The following NRK variants were observed in gnomAD, a reference collection of about 807,000 sequenced individuals.
The protein encoded by NRK is Nik related kinase, also known as nik-related protein kinase.
NRK carries 67 observed loss-of-function variants against 125.2 expected under a neutral mutation model. The ratio of observed to expected loss-of-function variants is 0.54; its 90% CI spans 0.44 to 0.66. The LOEUF (loss-of-function observed/expected upper bound fraction) is 0.66. NRK is among the 30% of genes least tolerant of loss of function. The pLI is 0.00. For missense variants in NRK, 1,224 were observed against 1,192.9 expected (o/e 1.03, Z -0.38); for synonymous variants, 458 against 429.0 (o/e 1.07, Z -0.84).
intron 2 of NRK, among the ~76,000 whole-genome samples, chrX:105,868,967 A>T (rs959580389): frequency 5.4e-5 from 6 of 110,630 alleles, no homozygotes; most frequent in Non-Finnish European, 9.5e-5. Context: ...GTTCGTAATT[A>T]AAAAAAACAC....
chrX:105,946,219 G>A (rs747276563), intron 25 of NRK, 96 bp from the exon 26 acceptor site: 6 of 850,588 alleles, frequency 7.1e-6, no homozygotes, highest in Admixed American at 7.2e-5. Context: ...CCTGGGTTTT[G>A]TACACTTATA....
At chrX:105,888,819 C>T (rs1013814074) in intron 5 of NRK, among the ~76,000 whole-genome samples, 6 of 110,678 alleles carry the variant, frequency 5.4e-5, no homozygotes, top group Non-Finnish European at 1.1e-4. Context: ...ATGAGAACAG[C>T]GTGGGAAAGA....
chrX:105,877,062 G>A (rs1182877590), intron 2 of NRK, among the ~76,000 whole-genome samples: 2 of 111,709 alleles, frequency 1.8e-5, no homozygotes, highest in African/African-American at 3.3e-5. Context: ...AGTGCTCAAG[G>A]TTAATATCAC....
chrX:105,934,321 G>A lies in NRK; in HGVS notation c.3376G>A (p.Asp1126Asn). The change falls in exon 20 of 29, where the codon GAT (aspartate) becomes AAT (asparagine). Residue 1126 changes from aspartate (D) to asparagine (N), a missense_variant. Transcript: ENST00000243300. ...IDSGAAPSAP[D>N]HESDNKDISE... ...CTCAGGTGCTGCACCGTCAGCACCT[G>A]ATCATGAGAGTGACAATAAGGACAT... 1 of 1,192,402 alleles carries A rather than the reference G, an allele frequency of 8.4e-7. No individual in the cohort carries two copies. Among genetic ancestry groups the A allele is most frequent in the Non-Finnish European group, 1.1e-6 (1 of 879,534 alleles).
rs763117895 is a variant in NRK, at chrX:105,952,992, A to G, written c.4514-42A>G. 9.5e-6 allele frequency: 10 copies of G among 1,054,715 alleles called. No individual in the cohort carries two copies. The East Asian group carries it at 3.3e-4, about 34-fold the overall frequency. The allele number at this position is 1,054,715 out of a possible 1,213,427, so 86.9% of individuals were successfully genotyped here. A position where few individuals can be genotyped will look rare whatever the true frequency, so the allele number is the denominator to read the frequency against. On this transcript the variant is annotated intron_variant, in intron 27 of 28. Coordinates refer to ENST00000243300, the MANE Select transcript of NRK (RefSeq NM_198465.4). ...GTTATAATTTTCTATGATGGCCAGA[A>G]AGATTTTGTGTTTTTCTGATTTTTT...
chrX:105,938,300 A>G (rs1367267446), intron 22 of NRK, among the ~76,000 whole-genome samples: 1 of 111,601 alleles, frequency 9.0e-6, no homozygotes, highest in East Asian at 2.8e-4. Flanking sequence ...CACTTATATG[A>G]GTTTATGTAT....
intron 5 of NRK, among the ~76,000 whole-genome samples, chrX:105,892,029 G>A (rs1452630327): frequency 1.8e-5 from 2 of 111,377 alleles, no homozygotes; most frequent in Non-Finnish European, 3.8e-5. Context: ...ATATGTATTA[G>A]TACTCAGTTC....
At position 105,857,911 on chromosome X, in the gene NRK, C is replaced by G. The variant is rs771827911; in HGVS notation, c.124-22288C>G. 5.5e-3 allele frequency among the ~76,000 whole-genome samples: 614 copies of G among 110,684 alleles called. 13 individuals carry two copies. The highest frequency in any genetic ancestry group is 4.6e-3 in the Middle Eastern group (1 of 217). On this transcript the variant is annotated intron_variant, in intron 2 of 28. Coordinates refer to ENST00000243300, the MANE Select transcript of NRK (RefSeq NM_198465.4). ...CTCTGTATGTGTCTTCTTTCTCTCT[C>G]TGCTGTTTGTTTGCTTGCTAGTATC...
intron 4 of NRK, among the ~76,000 whole-genome samples, chrX:105,882,489 A>C (rs1048870755): frequency 8.1e-5 from 9 of 111,353 alleles, no homozygotes; most frequent in Admixed American, 1.9e-4. Context: ...GTGATCTATA[A>C]AATATTGTAT....
In NRK at chrX:105,822,802, C is replaced by G; in HGVS notation, c.-44C>G. ...ATCCGCTTCCACCTCAGACTCTGCG[C>G]GCACCCAATTCAGTCGCCCGCTCCC... On this transcript the variant is annotated 5_prime_UTR_variant, in exon 1 of 29. Transcript: ENST00000243300. 8.9e-7 allele frequency: 1 copy of G among 1,126,118 alleles called. No individual in the cohort carries two copies. The highest frequency in any genetic ancestry group is 1.2e-6 in the Non-Finnish European group (1 of 834,202). 92.8% of individuals were successfully genotyped at this position (1,126,118 alleles called of 1,213,427 possible).
chrX:105,859,637 G>A (rs1189438545), intron 2 of NRK, among the ~76,000 whole-genome samples: 2 of 112,392 alleles, frequency 1.8e-5, no homozygotes, highest in African/African-American at 6.5e-5. Flanking sequence ...TTCCTCAACA[G>A]AGTGTGTGGA....
chrX:105,853,510 C>G (rs2039497646), intron 2 of NRK, among the ~76,000 whole-genome samples: 1 of 111,693 alleles, frequency 9.0e-6, no homozygotes, highest in Admixed American at 9.5e-5. Flanking sequence ...ACCATGTGTG[C>G]ACACGCGCAA....
intron 25 of NRK, 42 bp downstream of exon 25, chrX:105,946,057 A>G (rs1249015147): frequency 6.9e-6 from 8 of 1,154,337 alleles, no homozygotes; most frequent in Non-Finnish European, 9.4e-6. Flanking sequence ...AGGGTCATAC[A>G]AGGCTCTTAT....
At chrX:105,936,901 T>A (rs1358702103) in intron 21 of NRK, among the ~76,000 whole-genome samples, 1 of 111,611 alleles carries the variant, frequency 9.0e-6, no homozygotes, top group Non-Finnish European at 1.9e-5. Flanking sequence ...TTAAAAACAA[T>A]TATTTACATA....
intron 2 of NRK, among the ~76,000 whole-genome samples, chrX:105,873,161 G>A (rs1453601162): frequency 4.5e-5 from 5 of 111,485 alleles, no homozygotes; most frequent in Admixed American, 3.8e-4. Flanking sequence ...ATAACGGGAA[G>A]GACTACGTAG....
At chrX:105,873,243 A>G (rs1362285846) in intron 2 of NRK, among the ~76,000 whole-genome samples, 1 of 111,702 alleles carries the variant, frequency 9.0e-6, no homozygotes, top group Non-Finnish European at 1.9e-5. Context: ...AAATTAGCCT[A>G]ATCAAGATTA....
chrX:105,919,345 C>T (rs1368324577), intron 16 of NRK, among the ~76,000 whole-genome samples: 3 of 111,229 alleles, frequency 2.7e-5, no homozygotes, highest in Non-Finnish European at 5.7e-5. Flanking sequence ...CATACCACAA[C>T]TCAATATTAA....
intron 2 of NRK, among the ~76,000 whole-genome samples, chrX:105,863,321 GACACACACAC>G (rs769445045): frequency 1.0e-3 from 62 of 60,456 alleles, no homozygotes; most frequent in African/African-American, 3.6e-3. Context: ...AATAGTAACA[GACACACACAC>G]ACACACACAC....
intron 13 of NRK, among the ~76,000 whole-genome samples, chrX:105,910,148 G>A (rs934980831): frequency 2.7e-5 from 3 of 111,555 alleles, no homozygotes; most frequent in Non-Finnish European, 3.8e-5. Context: ...AACCAATAAA[G>A]TGTCAACGAA....
Sources: gnomAD v4.1 joint callset for allele counts (sites outside exome capture counted in the v4.1 genomes callset) on GRCh38, gnomAD v4.1.1 for gene constraint, MANE v1.5 for transcripts, NCBI Gene and HGNC (gene_info 2026-07-23, HGNC 2026-07-21) for gene names.